The following NUMB variants were observed in gnomAD, a reference collection of about 807,000 sequenced individuals.
NUMB encodes the protein protein numb homolog.
Under a neutral mutation model 59.7 loss-of-function variants are expected in NUMB, and 29 were observed. The ratio of observed to expected loss-of-function variants is 0.49; its 90% CI spans 0.36 to 0.66. The LOEUF is 0.66. Ranked by LOEUF, NUMB falls within the 30% of genes least tolerant of loss-of-function variation. NUMB has a pLI of 0.00. For synonymous variants in NUMB, 288 were observed against 288.2 expected (o/e 1.00, Z 0.01); for missense variants, 723 against 822.0 (o/e 0.88, Z 1.47).
At chr14:73,451,219 C>T (rs764523249) in intron 1 of NUMB, among the ~76,000 whole-genome samples, 1 of 146,920 alleles carries the variant, frequency 6.8e-6, no homozygotes, top group African/African-American at 2.5e-5. Context: ...AGGCAGATCA[C>T]GAGGTCAGGA....
At chr14:73,456,856 C>A (rs1884411709) in intron 1 of NUMB, among the ~76,000 whole-genome samples, 1 of 152,160 alleles carries the variant, frequency 6.6e-6, no homozygotes, top group Non-Finnish European at 1.5e-5. Flanking sequence ...CCTACTGAAA[C>A]CCCCAGGTGG....
At chr14:73,304,339 C>T (rs1022900716) in intron 6 of NUMB, among the ~76,000 whole-genome samples, 3 of 152,124 alleles carry the variant, frequency 2.0e-5, no homozygotes, top group Admixed American at 1.3e-4. Flanking sequence ...GAGACAGGGT[C>T]TTATTCTGAC....
intron 4 of NUMB, among the ~76,000 whole-genome samples, chr14:73,340,284 C>A (rs1478027005): frequency 6.6e-6 from 1 of 152,148 alleles, no homozygotes; most frequent in Non-Finnish European, 1.5e-5. Context: ...AGCCCAGTGA[C>A]CTCATGTCCC....
At chr14:73,456,401 C>T (rs930474263) in intron 1 of NUMB, among the ~76,000 whole-genome samples, 1 of 152,138 alleles carries the variant, frequency 6.6e-6, no homozygotes, top group African/African-American at 2.4e-5. Flanking sequence ...TGAGCCACCG[C>T]ACCCAGCTTT....
chr14:73,367,346 TATAGAG>T (rs1418849412), intron 2 of NUMB, among the ~76,000 whole-genome samples: 16 of 91,254 alleles, frequency 1.8e-4, no homozygotes, highest in African/African-American at 3.3e-4. Context: ...TATATATATA[TATAGAG>T]AGAGAGAGAG....
chr14:73,412,446 A>G lies in NUMB; in HGVS notation c.-232-2378T>C, dbSNP rs535224205. On this transcript the variant is annotated intron_variant, in intron 1 of 12. Transcript: ENST00000555238. ...AGTTTGAAACCAGCCTGACCAACAT[A>G]GAGAAACCCTATCTCTATTAAAAAT... is the stretch of plus-strand genomic sequence containing the variant. Among the ~76,000 whole-genome samples the G allele has an allele frequency of 1.7e-4, 26 of 151,966 alleles. No individual in the cohort carries two copies. The South Asian group carries it at 5.2e-3, about 30-fold the overall frequency.
At chr14:73,338,639 C>T (rs1892474531) in intron 4 of NUMB, among the ~76,000 whole-genome samples, 2 of 152,154 alleles carry the variant, frequency 1.3e-5, no homozygotes, top group South Asian at 4.1e-4. Context: ...GAATAAGAGC[C>T]AAAATCCTTA....
At position 73,408,529 on chromosome 14, in the gene NUMB, T is replaced by C. The variant is rs555972547; in HGVS notation, c.-101+1408A>G. 4.6e-5 allele frequency among the ~76,000 whole-genome samples: 7 copies of C among 152,250 alleles called. No individual in the cohort carries two copies. The East Asian group carries it at 1.4e-3, about 29-fold the overall frequency. ...TACAAATCTTATTTTTCATCTTGTTTATAAACTTTTGTCTCTACTTTTGAT... is the reference window on the plus strand; with the variant it reads ...TACAAATCTTATTTTTCATCTTGTTCATAAACTTTTGTCTCTACTTTTGAT... On this transcript the variant is annotated intron_variant, in intron 2 of 12. Coordinates refer to ENST00000555238, the MANE Select transcript of NUMB (RefSeq NM_001005743.2).
chr14:73,347,679 T>C (rs1363868180), intron 4 of NUMB, among the ~76,000 whole-genome samples: 1 of 152,250 alleles, frequency 6.6e-6, no homozygotes, highest in East Asian at 1.9e-4. Flanking sequence ...TTCTCCTATG[T>C]TGAAACTTTG....
chr14:73,287,273 G>A lies in NUMB; in HGVS notation c.492C>T (p.Ala164=). ...CCCGCTTCTGCTTGCGCTCTAAACA[G>A]GCTGCAAAAGCACAGCCTACTGCAT... ...LSHAVGCAFA[A]CLERKQKREK... is the part of the protein sequence containing the mutation. Residue 164 remains alanine, a synonymous_variant, in exon 9 of 13, where the codon GCC becomes GCT. Transcript: ENST00000555238. 1 of 1,613,588 alleles carries A rather than the reference G, an allele frequency of 6.2e-7. No individual in the cohort carries two copies. Among genetic ancestry groups the A allele is most frequent in the Non-Finnish European group, 8.5e-7 (1 of 1,179,944 alleles).
At chr14:73,307,136 T>C (rs939575635) in intron 6 of NUMB, among the ~76,000 whole-genome samples, 2 of 152,028 alleles carry the variant, frequency 1.3e-5, no homozygotes, top group Non-Finnish European at 2.9e-5. Context: ...AGTGAAACCC[T>C]GTCTCTACTG....
chr14:73,364,866 G>T (rs1303134659), intron 3 of NUMB, among the ~76,000 whole-genome samples: 1 of 151,950 alleles, frequency 6.6e-6, no homozygotes, highest in Non-Finnish European at 1.5e-5. Flanking sequence ...TCAAACTCCT[G>T]GGCTCAAGCA....
At chr14:73,371,949 T>C (rs935293832) in intron 2 of NUMB, among the ~76,000 whole-genome samples, 18 of 151,914 alleles carry the variant, frequency 1.2e-4, no homozygotes, top group Admixed American at 1.2e-3. Context: ...AGAGGAGAAG[T>C]GACCAGGCTC....
At chr14:73,284,010 T>C (rs957410639) in intron 10 of NUMB, 71 bp downstream of exon 10, 10 of 1,367,274 alleles carry the variant, frequency 7.3e-6, no homozygotes, top group African/African-American at 1.4e-5. Flanking sequence ...ATGGGATTAG[T>C]GTCTTCATGG....
chr14:73,292,687 A>G lies in NUMB; in HGVS notation c.450+47T>C, dbSNP rs529791583. On this transcript the variant is annotated intron_variant, in intron 8 of 12. Coordinates refer to ENST00000555238, the MANE Select transcript of NUMB (RefSeq NM_001005743.2). ...GGCTGAGCAAACCCAGAAAGAGCCC[A>G]GCTAACTGAGAATACTCATCATGAA... is the stretch of plus-strand genomic sequence containing the variant. 5.0e-6 allele frequency: 8 copies of G among 1,599,380 alleles called. No individual in the cohort carries two copies. The African/African-American group carries it at 1.1e-4, about 22-fold the overall frequency.
At chr14:73,410,379 C>A (rs931353002) in intron 1 of NUMB, among the ~76,000 whole-genome samples, 2 of 152,146 alleles carry the variant, frequency 1.3e-5, no homozygotes, top group Admixed American at 6.6e-5. Context: ...ACTGAGGGAA[C>A]CAGATCAAAA....
intron 2 of NUMB, among the ~76,000 whole-genome samples, chr14:73,400,401 A>C (rs1338901541): frequency 6.6e-6 from 1 of 152,122 alleles, no homozygotes; most frequent in Non-Finnish European, 1.5e-5. Flanking sequence ...CCAAGAATAA[A>C]CTCTAATGTA....
At chr14:73,445,381 AAAAAAAAAAAAAAAAC>A (rs1883416288) in intron 1 of NUMB, among the ~76,000 whole-genome samples, 7 of 129,836 alleles carry the variant, frequency 5.4e-5, no homozygotes, top group African/African-American at 5.8e-5. Context: ...AAAAAAAAAA[AAAAAAAAAAAAAAAAC>A]TTACAGCTGA....
intron 4 of NUMB, among the ~76,000 whole-genome samples, chr14:73,353,266 T>C (rs1351766014): frequency 3.3e-5 from 5 of 149,984 alleles, no homozygotes; most frequent in Non-Finnish European, 5.9e-5. Flanking sequence ...TTTGTGTTTT[T>C]AGTAAAGAAG....
Sources: allele counts gnomAD v4.1 joint callset (sites outside exome capture counted in the v4.1 genomes callset), GRCh38; gene constraint gnomAD v4.1.1; transcripts MANE v1.5; gene names NCBI Gene and HGNC (gene_info 2026-07-23, HGNC 2026-07-21).